COL8A1: variants seen among roughly 807,000 people sequenced by gnomAD.
COL8A1 encodes the protein collagen alpha-1(VIII) chain.
In COL8A1, 21 loss-of-function variants were observed where a neutral mutation model predicts 42.7. The observed-to-expected ratio is 0.49, with a 90% CI of 0.35 to 0.71. The LOEUF is 0.71. COL8A1 is among the 30% of genes least tolerant of loss of function. COL8A1 has a pLI of 0.01. For synonymous variants in COL8A1, 367 were observed against 369.1 expected (o/e 0.99, Z 0.06); for missense variants, 788 against 962.4 (o/e 0.82, Z 2.40).
At position 99,782,794 on chromosome 3, in the gene COL8A1, C is replaced by T. The variant is rs562591826; in HGVS notation, c.-3-7886C>T. ...CTCAAAGTCATATAGCTAATGTTCT[C>T]ATTCTGCAAATGAGGGAACTAATGC... is the stretch of plus-strand genomic sequence containing the variant. On this transcript the variant is annotated intron_variant, in intron 2 of 3. Coordinates refer to ENST00000652472, the MANE Select transcript of COL8A1 (RefSeq NM_020351.4). 5.3e-5 allele frequency among the ~76,000 whole-genome samples: 8 copies of T among 152,288 alleles called. No individual in the cohort carries two copies. In the East Asian group the frequency reaches 1.3e-3, roughly 26 times the overall value.
At chr3:99,712,671 G>GTT (rs1939873329) in intron 1 of COL8A1, among the ~76,000 whole-genome samples, 1 of 152,132 alleles carries the variant, frequency 6.6e-6, no homozygotes. Flanking sequence ...AGAAGTGGCT[G>GTT]TTTTTTGAAG....
intron 2 of COL8A1, among the ~76,000 whole-genome samples, chr3:99,760,267 A>G (rs1338248199): frequency 1.3e-5 from 2 of 152,188 alleles, no homozygotes; most frequent in African/African-American, 4.8e-5. Context: ...AAATCTTTCC[A>G]TCTTTGAGGA....
chr3:99,749,869 G>GA (rs976804890), intron 2 of COL8A1, among the ~76,000 whole-genome samples: 3 of 151,824 alleles, frequency 2.0e-5, no homozygotes, highest in African/African-American at 7.2e-5. Context: ...ATGGCTCTAA[G>GA]AAAATCACAA....
chr3:99,763,319 G>T (rs1165427119), intron 2 of COL8A1, among the ~76,000 whole-genome samples: 2 of 152,150 alleles, frequency 1.3e-5, no homozygotes, highest in Admixed American at 1.3e-4. Context: ...ATAAGCAGAA[G>T]TCAGAGAAAT....
Position 99,795,542 on chromosome 3 carries a change from T to G in COL8A1, c.1641T>G (p.Pro547=). The G allele has an allele frequency of 6.2e-7, 1 of 1,606,510 alleles. No homozygotes were observed. Among genetic ancestry groups the G allele is most frequent in the Non-Finnish European group, 8.5e-7 (1 of 1,176,572 alleles). Residue 547 remains proline, a synonymous_variant, in exon 4 of 4, where the codon CCT becomes CCG. Transcript: ENST00000652472. Reference sequence around the variant, plus strand: ...GACTTCATGGCCCCCCAGGGAAGCCTGGTGCCCTTGGTCCTCAAGGCCAGC... The same window carrying G: ...GACTTCATGGCCCCCCAGGGAAGCCGGGTGCCCTTGGTCCTCAAGGCCAGC... ...VAGLHGPPGK[P]GALGPQGQPG...
At chr3:99,692,111 C>G (rs770909516) in intron 1 of COL8A1, among the ~76,000 whole-genome samples, 1 of 152,092 alleles carries the variant, frequency 6.6e-6, no homozygotes, top group Non-Finnish European at 1.5e-5. Context: ...CCTCTTTCCT[C>G]TGTCTCTCAC....
chr3:99,649,390 A>T (rs1456596603), intron 1 of COL8A1, among the ~76,000 whole-genome samples: 2 of 152,126 alleles, frequency 1.3e-5, no homozygotes, highest in Non-Finnish European at 2.9e-5. Flanking sequence ...GAAAAGAAAA[A>T]AATAGAGGTA....
chr3:99,720,105 C>T (rs1424662860), intron 1 of COL8A1, among the ~76,000 whole-genome samples: 1 of 152,116 alleles, frequency 6.6e-6, no homozygotes, highest in Non-Finnish European at 1.5e-5. Context: ...TGAACCCATA[C>T]TCTGTGGGTA....
chr3:99,756,381 A>C (rs1230072861), intron 2 of COL8A1, among the ~76,000 whole-genome samples: 1 of 152,188 alleles, frequency 6.6e-6, no homozygotes, highest in Non-Finnish European at 1.5e-5. Context: ...TTCCACTCTT[A>C]GAATTCTGAA....
At chr3:99,700,437 T>C (rs1285903978) in intron 1 of COL8A1, among the ~76,000 whole-genome samples, 1 of 151,976 alleles carries the variant, frequency 6.6e-6, no homozygotes, top group Non-Finnish European at 1.5e-5. Flanking sequence ...CATAGAGACA[T>C]GCACCCTCAC....
At chr3:99,649,959 G>C (rs2107288192) in intron 1 of COL8A1, among the ~76,000 whole-genome samples, 1 of 152,222 alleles carries the variant, frequency 6.6e-6, no homozygotes, top group East Asian at 1.9e-4. Flanking sequence ...ATTGTCCCAG[G>C]ATTGTTAGTA....
At chr3:99,744,725 TTTG>T (rs750499786) in intron 1 of COL8A1, among the ~76,000 whole-genome samples, 169 bp from the exon 2 acceptor site, 11 of 152,220 alleles carry the variant, frequency 7.2e-5, no homozygotes, top group Non-Finnish European at 1.3e-4. Context: ...AGATATACAA[TTTG>T]TTGTTTATTT....
chr3:99,647,977 C>T (rs1238026266), intron 1 of COL8A1, among the ~76,000 whole-genome samples: 2 of 152,118 alleles, frequency 1.3e-5, no homozygotes, highest in Non-Finnish European at 2.9e-5. Flanking sequence ...AGTTGAGCAC[C>T]CTCTGCTTTC....
chr3:99,780,674 A>G (rs534459285), intron 2 of COL8A1, among the ~76,000 whole-genome samples: 1 of 152,332 alleles, frequency 6.6e-6, no homozygotes, highest in Admixed American at 6.5e-5. Context: ...TTTTGCTCAT[A>G]AAAAGAAAAG....
At chr3:99,748,517 G>T (rs1234448587) in intron 2 of COL8A1, among the ~76,000 whole-genome samples, 1 of 151,896 alleles carries the variant, frequency 6.6e-6, no homozygotes, top group African/African-American at 2.4e-5. Context: ...ACCAAATATG[G>T]TTTAATAAAA....
intron 2 of COL8A1, among the ~76,000 whole-genome samples, chr3:99,786,297 C>T (rs1192364943): frequency 1.3e-5 from 2 of 152,108 alleles, no homozygotes; most frequent in Admixed American, 1.3e-4. Flanking sequence ...CACCCCCCTC[C>T]GAAAGTGATG....
At chr3:99,655,843 A>T (rs1938001591) in intron 1 of COL8A1, among the ~76,000 whole-genome samples, 1 of 152,214 alleles carries the variant, frequency 6.6e-6, no homozygotes, top group Non-Finnish European at 1.5e-5. Flanking sequence ...AGCCAACTTG[A>T]AGCACTGACC....
intron 2 of COL8A1, among the ~76,000 whole-genome samples, chr3:99,757,831 G>T (rs1010815540): frequency 6.6e-6 from 1 of 152,130 alleles, no homozygotes; most frequent in African/African-American, 2.4e-5. Flanking sequence ...TTACAGCATA[G>T]AATCTAGACT....
rs1942139584 is a variant in COL8A1, at chr3:99,798,467, G to A, written c.*2331G>A. 2 of 152,182 alleles carry A rather than the reference G, an allele frequency of 1.3e-5. No individual in the cohort carries two copies. Among genetic ancestry groups the A allele is most frequent in the Non-Finnish European group, 2.9e-5 (2 of 68,032 alleles). The allele number at this position is 152,182 out of a possible 1,614,324, so 9.4% of individuals were successfully genotyped here. On this transcript the variant is annotated 3_prime_UTR_variant, in exon 4 of 4. Transcript: ENST00000652472. ...AAAAGCAAGTCAGATCAGGTGATTT[G>A]TAAAATTGTATTTATCTGTACATGT...
Sources: gnomAD v4.1 joint callset for allele counts (sites outside exome capture counted in the v4.1 genomes callset) on GRCh38, gnomAD v4.1.1 for gene constraint, MANE v1.5 for transcripts, NCBI Gene and HGNC (gene_info 2026-07-23, HGNC 2026-07-21) for gene names.